The following CASP5 variants were observed in gnomAD, a reference collection of about 807,000 sequenced individuals.
CASP5 encodes the protein caspase-5.
Under a neutral mutation model 45.2 loss-of-function variants are expected in CASP5, and 42 were observed. That is an observed-to-expected ratio of 0.93 (90% CI 0.73 to 1.20). CASP5 has a LOEUF of 1.20. Ranked by LOEUF, CASP5 falls within the 50% of genes most tolerant of loss-of-function variation. The pLI, the probability that CASP5 is intolerant of heterozygous loss-of-function variation, is 0.00. For missense variants in CASP5, 512 were observed against 532.2 expected (o/e 0.96, Z 0.37); for synonymous variants, 209 against 186.2 (o/e 1.12, Z -1.00).
intron 6 of CASP5, among the ~76,000 whole-genome samples, 153 bp from the exon 7 acceptor site, chr11:104,999,181 T>C (rs1861610880): frequency 6.6e-6 from 1 of 152,116 alleles, no homozygotes; most frequent in Non-Finnish European, 1.5e-5. Flanking sequence ...ATTAAGTATT[T>C]GTCTTAAGGC....
Position 105,004,749 on chromosome 11 carries a change from AGT to A in CASP5, c.434-1368_434-1367del, listed in dbSNP as rs377632756. Among the ~76,000 whole-genome samples the A allele has an allele frequency of 3.6e-3, 553 of 152,302 alleles. 1 individual carries two copies. Among genetic ancestry groups the A allele is most frequent in the African/African-American group, 0.013 (527 of 41,578 alleles). On this transcript the variant is annotated intron_variant, in intron 3 of 9. Transcript: ENST00000260315. ...AGTTCTGGGAATGCAATAAGTTCTA[AGT>A]GTGTAAGGAAACCATACCTTCTAAG...
intron 1 of CASP5, among the ~76,000 whole-genome samples, chr11:105,009,718 CACATATATATATATAT>C (rs1300661600): frequency 3.6e-4 from 30 of 83,546 alleles, no homozygotes; most frequent in East Asian, 2.9e-3. Context: ...TATATATACA[CACATATATATATATAT>C]ATATATATAT....
chr11:105,003,317 G>A lies in CASP5; in HGVS notation c.500C>T (p.Pro167Leu), dbSNP rs1471998713. The part of the protein sequence containing the change: ...AESTNILKLC[P>L]REEFLRLCKK... ...ACACAGTCTCAGGAATTCTTCACGA[G>A]GACAAAGTTTGAGTATATTTGTAGA... The change falls in exon 4 of 10, where the codon CCT becomes CTT. Residue 167 changes from proline (P) to leucine (L), a missense_variant. Transcript: ENST00000260315. The A allele has an allele frequency of 6.2e-7, 1 of 1,607,112 alleles. No homozygotes were observed. Among genetic ancestry groups the A allele is most frequent in the South Asian group, 1.1e-5 (1 of 90,160 alleles).
intron 1 of CASP5, among the ~76,000 whole-genome samples, chr11:105,014,740 A>T (rs1374439427): frequency 6.6e-6 from 1 of 152,228 alleles, no homozygotes; most frequent in Non-Finnish European, 1.5e-5. Context: ...TTGTGAGGGT[A>T]CCATTTTGAG....
At position 105,021,754 on chromosome 11, in the gene CASP5, A is replaced by C. The variant is rs1008762658; in HGVS notation, c.7+1376T>G. The stretch of plus-strand genomic sequence containing the variant: ...AACCATTGTGGAAGTCAGTGTGGCG[A>C]TTCCACAGGGATCTAGAACTAGAAA... On this transcript the variant is annotated intron_variant, in intron 1 of 9. Coordinates refer to ENST00000260315, the MANE Select transcript of CASP5 (RefSeq NM_004347.5). Among the ~76,000 whole-genome samples, 15 of 148,948 alleles carry C rather than the reference A, an allele frequency of 1.0e-4. 1 individual carries two copies. The highest frequency in any genetic ancestry group is 3.4e-3 in the Middle Eastern group (1 of 294).
rs749688249 is a variant in CASP5 at position 105,002,157 on chromosome 11, G to A, written c.588C>T (p.Leu196=). The change falls in exon 5 of 10, where the codon CTC becomes CTT. Residue 196 remains leucine (L), a synonymous_variant. Transcript: ENST00000260315. ...KKREDRRRLA[L]IICNTKFDHL... ...GATCAAACTTTGTATTGCATATGAT[G>A]AGAGCCAGGCGTCTGCGGTCCTCTC... 6.2e-7 allele frequency: 1 copy of A among 1,614,030 alleles called. No individual in the cohort carries two copies. Among genetic ancestry groups the A allele is most frequent in the South Asian group, 1.1e-5 (1 of 91,094 alleles).
At chr11:105,002,289 C>T in intron 4 of CASP5, 88 bp from the exon 5 acceptor site, 1 of 1,055,606 alleles carries the variant, frequency 9.5e-7, no homozygotes, top group Non-Finnish European at 1.4e-6. Flanking sequence ...TTTAAGACCT[C>T]ATGCAGCTGC....
chr11:105,003,293 C>T lies in CASP5; in HGVS notation c.524G>A (p.Cys175Tyr). 1 of 1,600,444 alleles carries T rather than the reference C, an allele frequency of 6.2e-7. No homozygotes were observed. The highest frequency in any genetic ancestry group is 8.5e-7 in the Non-Finnish European group (1 of 1,170,352). Residue 175 changes from cysteine to tyrosine, a missense_variant, in exon 4 of 10, where the codon TGT (cysteine) becomes TAT (tyrosine). Coordinates refer to ENST00000260315, the MANE Select transcript of CASP5 (RefSeq NM_004347.5). ...LCPREEFLRL[C>Y]KKNHDEIYPI... ...CAGCACCTCATCATGATTTTTTTTACACAGTCTCAGGAATTCTTCACGAGG... is the reference window on the plus strand; with the variant it reads ...CAGCACCTCATCATGATTTTTTTTATACAGTCTCAGGAATTCTTCACGAGG...
In CASP5 at chr11:105,008,439, C is replaced by T. The variant is rs45556434; in HGVS notation, c.181+368G>A. Among the ~76,000 whole-genome samples, 33 of 152,058 alleles carry T rather than the reference C, an allele frequency of 2.2e-4. No homozygotes were observed. The East Asian group carries it at 6.2e-3, about 29-fold the overall frequency. ...TCTTGTGAGAAAGTACTGAAATTGT[C>T]CCCATTTCATAGATGGTAAGACTGA... On this transcript the variant is annotated intron_variant, in intron 2 of 9. Coordinates refer to ENST00000260315, the MANE Select transcript of CASP5 (RefSeq NM_004347.5).
Position 104,998,960 on chromosome 11 carries a change from C to T in CASP5, c.1021G>A (p.Glu341Lys). 6.2e-7 allele frequency: 1 copy of T among 1,613,684 alleles called. No homozygotes were observed. The highest frequency in any genetic ancestry group is 8.5e-7 in the Non-Finnish European group (1 of 1,179,636). ...SLALISSQSS[E>K]NLEADSVCKI... Reference sequence around the variant, plus strand: ...CAAACAGAATCTGCCTCCAGGTTCTCAGATGACTGTGAAGAGATGAGTGCC... The same window carrying T: ...CAAACAGAATCTGCCTCCAGGTTCTTAGATGACTGTGAAGAGATGAGTGCC... The change falls in exon 7 of 10, where the codon GAG becomes AAG. Residue 341 changes from glutamate (E) to lysine (K), a missense_variant. By Grantham distance (56) the Glu-to-Lys change is moderately conservative. Transcript: ENST00000260315.
intron 4 of CASP5, among the ~76,000 whole-genome samples, chr11:105,002,762 TAAAAAA>T (rs45498501): frequency 0.058 from 8,815 of 152,238 alleles, 344 homozygotes; most frequent in Non-Finnish European, 0.087. Flanking sequence ...CAATAAATGA[TAAAAAA>T]GAGAAAGCTA....
At chr11:105,001,970 T>C in intron 5 of CASP5, 58 bp downstream of exon 5, 2 of 1,544,468 alleles carry the variant, frequency 1.3e-6, no homozygotes, top group Non-Finnish European at 1.8e-6. Context: ...AGCTAACTAA[T>C]TATTAGAAGA....
At chr11:105,009,812 C>CGT (rs1862220677) in intron 1 of CASP5, among the ~76,000 whole-genome samples, 1 of 94,484 alleles carries the variant, frequency 1.1e-5, no homozygotes, top group East Asian at 3.4e-4. Flanking sequence ...TATATACACA[C>CGT]ACATATATAT....
At chr11:105,016,574 T>C (rs912709138) in intron 1 of CASP5, among the ~76,000 whole-genome samples, 3 of 151,974 alleles carry the variant, frequency 2.0e-5, no homozygotes, top group Non-Finnish European at 2.9e-5. Flanking sequence ...TCGGGTCACT[T>C]CCACCCGAAT....
intron 4 of CASP5, among the ~76,000 whole-genome samples, chr11:105,002,467 T>C (rs971726062): frequency 2.0e-5 from 3 of 152,226 alleles, no homozygotes; most frequent in African/African-American, 7.2e-5. Flanking sequence ...ACATTTCTTA[T>C]ATTTAGGTTC....
intron 1 of CASP5, among the ~76,000 whole-genome samples, chr11:105,016,778 G>A (rs1376482286): frequency 1.3e-5 from 2 of 151,648 alleles, no homozygotes; most frequent in Non-Finnish European, 2.9e-5. Flanking sequence ...AAGCAGCCAG[G>A]AAGCTCGAAC....
In CASP5 at chr11:104,995,819, T is replaced by C; in HGVS notation, c.1230A>G (p.Pro410=). The change falls in exon 9 of 10, where the codon CCA becomes CCG. Residue 410 remains proline, a synonymous_variant. Transcript: ENST00000260315. ...FRKVQKSFEV[P]QAKAQMPTIE... The stretch of plus-strand genomic sequence containing the variant: ...TGGTGGGCATCTGGGCTTTAGCCTG[T>C]GGAACTTCAAATGATTTCTGTACCT... The C allele has an allele frequency of 6.2e-7, 1 of 1,611,936 alleles. No individual in the cohort carries two copies. The highest frequency in any genetic ancestry group is 8.5e-7 in the Non-Finnish European group (1 of 1,178,340).
chr11:105,010,675 A>T (rs1326042300), intron 1 of CASP5, among the ~76,000 whole-genome samples: 2 of 151,552 alleles, frequency 1.3e-5, no homozygotes, highest in East Asian at 3.9e-4. Context: ...GCCCTAAATC[A>T]CATGAATTAG....
intron 5 of CASP5, among the ~76,000 whole-genome samples, 162 bp from the exon 6 acceptor site, chr11:105,000,657 TG>T (rs1408750376): frequency 1.3e-5 from 2 of 152,060 alleles, no homozygotes; most frequent in Non-Finnish European, 2.9e-5. Flanking sequence ...TTTTTTGTTT[TG>T]TTTTTTTTTT....
Sources: allele counts gnomAD v4.1 joint callset (sites outside exome capture counted in the v4.1 genomes callset), GRCh38; gene constraint gnomAD v4.1.1; transcripts MANE v1.5; gene names NCBI Gene and HGNC (gene_info 2026-07-23, HGNC 2026-07-21).